UBE2L5: variants seen among roughly 807,000 people sequenced by gnomAD.
UBE2L5 encodes ubiquitin-conjugating enzyme E2 L5.
In UBE2L5, 3 loss-of-function variants were observed where a neutral mutation model predicts 10.0. That is an observed-to-expected ratio of 0.30 (90% CI 0.14 to 0.78). UBE2L5 has a LOEUF of 0.78. UBE2L5 is among the 30% of genes least tolerant of loss of function. The probability of loss-of-function intolerance (pLI) is 0.65; values close to 1 mark genes in which losing one functional copy is unlikely to be tolerated. For missense variants in UBE2L5, 131 were observed against 193.3 expected, an observed-to-expected ratio of 0.68 and a Z score of 1.91; for synonymous variants, 60 against 71.9, an observed-to-expected ratio of 0.83 and a Z score of 0.83.
At position 30,428,435 on chromosome 13, in the gene UBE2L5, G is replaced by A. The variant is rs1885571823; in HGVS notation, c.445G>A (p.Glu149Lys). Residue 149 changes from glutamate to lysine, a missense_variant, in exon 4 of 4, where the codon GAA (glutamate) becomes AAA (lysine). Glu to Lys is a moderately conservative substitution (Grantham distance 56). Transcript: ENST00000635918. ...TGAAGAGTTTACAAAGAAATATGGG[G>A]AAAAGCGACCTGTGGACTAAAATGT... Reference protein sequence around the residue: ...NAEEFTKKYGEKRPVD With the variant: ...NAEEFTKKYGKKRPVD 1 of 1,610,972 alleles carries A rather than the reference G, an allele frequency of 6.2e-7. No homozygotes were observed. The highest frequency in any genetic ancestry group is 1.7e-5 in the Admixed American group (1 of 59,680).
chr13:30,425,560 G>A lies in UBE2L5; in HGVS notation c.-685+659G>A, dbSNP rs1283610604. Among the ~76,000 whole-genome samples, 3 of 152,116 alleles carry A rather than the reference G, an allele frequency of 2.0e-5. No individual in the cohort carries two copies. In the East Asian group the frequency reaches 5.8e-4, roughly 29 times the overall value. On this transcript the variant is annotated intron_variant, in intron 2 of 3. Transcript: ENST00000635918. ...AAAGACAGTCGCTCCTCCCCACCCA[G>A]CGCCATGCATTCTCATGCCATATTA...
rs527242999 is a variant in UBE2L5 at position 30,428,108 on chromosome 13, G to T, written c.118G>T (p.Val40Phe). The change falls in exon 4 of 4, where the codon GTT becomes TTT. Residue 40 changes from valine (V) to phenylalanine (F), a missense_variant. Coordinates refer to ENST00000635918, the MANE Select transcript of UBE2L5 (RefSeq NM_001355247.2). ...ANLLTWQGLI[V>F]PDNPPYNKGA... is the part of the protein sequence containing the mutation. The stretch of plus-strand genomic sequence containing the variant: ...TTTATTGACTTGGCAAGGGCTTATT[G>T]TTCCTGACAACCCTCCGTATAATAA... 3 of 1,610,670 alleles carry T rather than the reference G, an allele frequency of 1.9e-6. No homozygotes were observed. Among genetic ancestry groups the T allele is most frequent in the Admixed American group, 1.7e-5 (1 of 60,002 alleles).
chr13:30,427,819 A>G lies in UBE2L5; in HGVS notation c.-172A>G. 1 of 587,392 alleles carries G rather than the reference A, an allele frequency of 1.7e-6. No homozygotes were observed. Among genetic ancestry groups the G allele is most frequent in the East Asian group, 2.9e-5 (1 of 34,412 alleles). 36.4% of individuals were successfully genotyped at this position (587,392 alleles called of 1,614,324 possible). A position where few individuals can be genotyped will look rare whatever the true frequency, so the allele number is the denominator to read the frequency against. The stretch of plus-strand genomic sequence containing the variant: ...ACTCTGGCTAAAAAAAAAAAAAATT[A>G]TAATGTATAGGATTGTGGATGATCA... On this transcript the variant is annotated 5_prime_UTR_variant, in exon 4 of 4. Transcript: ENST00000635918.
chr13:30,427,994 G>C lies in UBE2L5; in HGVS notation c.4G>C (p.Ala2Pro). The C allele has an allele frequency of 1.3e-6, 2 of 1,557,030 alleles. No homozygotes were observed. The highest frequency in any genetic ancestry group is 1.1e-5 in the South Asian group (1 of 89,860). Residue 2 changes from alanine (A) to proline (P), a missense_variant, in exon 4 of 4, where the codon GCG (alanine) becomes CCG (proline). Coordinates refer to ENST00000635918, the MANE Select transcript of UBE2L5 (RefSeq NM_001355247.2). ...AAGAAGCAGCACCAAATCCAAGATG[G>C]CGGCCAGCAGGAGGCTGATGAAGGA... M[A>P]ASRRLMKELE...
chr13:30,427,955 G>T lies in UBE2L5; in HGVS notation c.-36G>T, dbSNP rs191736531. The T allele has an allele frequency of 1.5e-6, 2 of 1,309,572 alleles. No homozygotes were observed. The highest frequency in any genetic ancestry group is 4.6e-5 in the East Asian group (2 of 43,100). 81.1% of individuals were successfully genotyped at this position (1,309,572 alleles called of 1,614,324 possible). ...AACCATTAAAAGTGGCCGTTACCACGATGCATTCTGGGAAAGAAGCAGCAC... is the reference window on the plus strand; with the variant it reads ...AACCATTAAAAGTGGCCGTTACCACTATGCATTCTGGGAAAGAAGCAGCAC... On this transcript the variant is annotated 5_prime_UTR_variant, in exon 4 of 4. Coordinates refer to ENST00000635918, the MANE Select transcript of UBE2L5 (RefSeq NM_001355247.2).
rs1211971175 is a variant in UBE2L5 at position 30,427,591 on chromosome 13, G to C, written c.-400G>C. On this transcript the variant is annotated 5_prime_UTR_variant, in exon 4 of 4. Transcript: ENST00000635918. ...AACGCGGGCGGATCACTTGAGGTCA[G>C]GAGTTCGAGACTAGCCAGGCCAACA... is the stretch of plus-strand genomic sequence containing the variant. The C allele has an allele frequency of 5.2e-6, 1 of 193,898 alleles. No individual in the cohort carries two copies. The highest frequency in any genetic ancestry group is 2.4e-5 in the African/African-American group (1 of 41,980). 12.0% of individuals were successfully genotyped at this position (193,898 alleles called of 1,614,324 possible). A position where few individuals can be genotyped will look rare whatever the true frequency, so the allele number is the denominator to read the frequency against.
At chr13:30,426,417 C>T (rs1885540612) in intron 2 of UBE2L5, among the ~76,000 whole-genome samples, 1 of 152,188 alleles carries the variant, frequency 6.6e-6, no homozygotes, top group Admixed American at 6.5e-5. Context: ...CAGACAGTGG[C>T]CCAGAAGCTG....
At position 30,429,355 on chromosome 13, in the gene UBE2L5, A is replaced by G. The variant is rs2137360780; in HGVS notation, c.*900A>G. ...ATAATTGGGGTGTCTTTAGGCTGAA[A>G]TGGAGACAACAGAAGGTGAGGTGGC... On this transcript the variant is annotated 3_prime_UTR_variant, in exon 4 of 4. Coordinates refer to ENST00000635918, the MANE Select transcript of UBE2L5 (RefSeq NM_001355247.2). 6.6e-6 allele frequency among the ~76,000 whole-genome samples: 1 copy of G among 152,230 alleles called. No individual in the cohort carries two copies. The highest frequency in any genetic ancestry group is 3.4e-3 in the Middle Eastern group (1 of 294).
rs1885571116 is a variant in UBE2L5, at chr13:30,428,384, G to A, written c.394G>A (p.Asp132Asn). 6.2e-7 allele frequency: 1 copy of A among 1,611,488 alleles called. No individual in the cohort carries two copies. The highest frequency in any genetic ancestry group is 1.3e-5 in the African/African-American group (1 of 74,838). Residue 132 changes from aspartate (D) to asparagine (N), a missense_variant, in exon 4 of 4, where the codon GAC becomes AAC. Transcript: ENST00000635918. ...RADLAEEYSN[D>N]RKKFCKNAEE... ...TGACCTAGCTGAAGAATACTCTAAC[G>A]ACCGTAAAAAATTCTGTAAGAATGC...
At position 30,428,652 on chromosome 13, in the gene UBE2L5, A is replaced by C; in HGVS notation, c.*197A>C. The C allele has an allele frequency of 5.4e-6, 3 of 554,296 alleles. No individual in the cohort carries two copies. Among genetic ancestry groups the C allele is most frequent in the African/African-American group, 2.0e-5 (1 of 49,678 alleles). 34.3% of individuals were successfully genotyped at this position (554,296 alleles called of 1,614,324 possible). ...GTAAAGAAAGGATTAAAAATTTAAG[A>C]TGTTCTTAAAAAAAAAAAAAGTGGC... On this transcript the variant is annotated 3_prime_UTR_variant, in exon 4 of 4. Transcript: ENST00000635918.
Position 30,427,951 on chromosome 13 carries a change from C to G in UBE2L5, c.-40C>G. 7.8e-7 allele frequency: 1 copy of G among 1,286,198 alleles called. No homozygotes were observed. The highest frequency in any genetic ancestry group is 1.1e-6 in the Non-Finnish European group (1 of 885,544). The allele number at this position is 1,286,198 out of a possible 1,614,324, so 79.7% of individuals were successfully genotyped here. Reference sequence around the variant, plus strand: ...ACACAACCATTAAAAGTGGCCGTTACCACGATGCATTCTGGGAAAGAAGCA... The same window carrying G: ...ACACAACCATTAAAAGTGGCCGTTAGCACGATGCATTCTGGGAAAGAAGCA... On this transcript the variant is annotated 5_prime_UTR_variant, in exon 4 of 4. Transcript: ENST00000635918.
At position 30,429,282 on chromosome 13, in the gene UBE2L5, T is replaced by TC. The variant is rs202212365; in HGVS notation, c.*836dup. 0.029 allele frequency among the ~76,000 whole-genome samples: 4,321 copies of TC among 147,546 alleles called. 117 individuals are homozygous for TC. Among genetic ancestry groups the TC allele is most frequent in the African/African-American group, 0.078 (3,088 of 39,534 alleles). ...CCTGGGCAACAAGAGCAAAACTCTG[T>TC]CCCCCCCCCACAAAAAAAAATTGAT... is the stretch of plus-strand genomic sequence containing the variant. On this transcript the variant is annotated 3_prime_UTR_variant, in exon 4 of 4. Coordinates refer to ENST00000635918, the MANE Select transcript of UBE2L5 (RefSeq NM_001355247.2).
intron 3 of UBE2L5, chr13:30,427,125 C>T (rs1885548605): frequency 6.6e-6 from 1 of 152,148 alleles, no homozygotes; most frequent in Admixed American, 6.5e-5. Flanking sequence ...ATTAAAATGA[C>T]AGGTTTCAAT....
intron 1 of UBE2L5, among the ~76,000 whole-genome samples, chr13:30,423,911 A>C (rs1885502348): frequency 6.6e-6 from 1 of 152,232 alleles, no homozygotes; most frequent in Admixed American, 6.5e-5. Context: ...CAGTTACTTT[A>C]TGTAGCTTAA....
chr13:30,426,248 T>C (rs1008504285), intron 2 of UBE2L5, among the ~76,000 whole-genome samples: 1 of 151,836 alleles, frequency 6.6e-6, no homozygotes, highest in Non-Finnish European at 1.5e-5. Context: ...GAGGCGGAGG[T>C]TGCAGTGAGC....
In UBE2L5 at chr13:30,429,639, A is replaced by C. The variant is rs1038820059; in HGVS notation, c.*1184A>C. Reference sequence around the variant, plus strand: ...AAGATTTGTCCTGTAGAACATATACATAGAGGATTGTTCACTCTCCTCCTT... The same window carrying C: ...AAGATTTGTCCTGTAGAACATATACCTAGAGGATTGTTCACTCTCCTCCTT... On this transcript the variant is annotated 3_prime_UTR_variant, in exon 4 of 4. Coordinates refer to ENST00000635918, the MANE Select transcript of UBE2L5 (RefSeq NM_001355247.2). 2.6e-5 allele frequency among the ~76,000 whole-genome samples: 4 copies of C among 152,260 alleles called. No homozygotes were observed. The highest frequency in any genetic ancestry group is 9.6e-5 in the African/African-American group (4 of 41,474).
intron 3 of UBE2L5, chr13:30,427,128 G>A (rs1885548647): frequency 6.6e-6 from 1 of 152,048 alleles, no homozygotes; most frequent in Non-Finnish European, 1.5e-5. Flanking sequence ...AAAATGACAG[G>A]TTTCAATATA....
In UBE2L5 at chr13:30,427,924, A is replaced by C. The variant is rs936714898; in HGVS notation, c.-67A>C. On this transcript the variant is annotated 5_prime_UTR_variant, in exon 4 of 4. Transcript: ENST00000635918. The stretch of plus-strand genomic sequence containing the variant: ...ATCAGAACGTTATTTGAGTGTATAC[A>C]TACACAACCATTAAAAGTGGCCGTT... 6 of 1,004,558 alleles carry C rather than the reference A, an allele frequency of 6.0e-6. No homozygotes were observed. Among genetic ancestry groups the C allele is most frequent in the African/African-American group, 4.8e-5 (3 of 62,594 alleles). 62.2% of individuals were successfully genotyped at this position (1,004,558 alleles called of 1,614,324 possible).
At position 30,427,709 on chromosome 13, in the gene UBE2L5, C is replaced by T. The variant is rs537997246; in HGVS notation, c.-282C>T. ...ATCACAGCCACTTGGGAGGCCGAGGCGAGAGGATGGCTTGAACCCGGGAGG... is the reference window on the plus strand; with the variant it reads ...ATCACAGCCACTTGGGAGGCCGAGGTGAGAGGATGGCTTGAACCCGGGAGG... On this transcript the variant is annotated 5_prime_UTR_variant, in exon 4 of 4. Coordinates refer to ENST00000635918, the MANE Select transcript of UBE2L5 (RefSeq NM_001355247.2). 4.8e-6 allele frequency: 2 copies of T among 418,586 alleles called. No individual in the cohort carries two copies. The highest frequency in any genetic ancestry group is 4.4e-5 in the East Asian group (1 of 22,818). The allele number at this position is 418,586 out of a possible 1,614,324, so 25.9% of individuals were successfully genotyped here.
Sources: allele counts gnomAD v4.1 joint callset (sites outside exome capture counted in the v4.1 genomes callset), GRCh38; gene constraint gnomAD v4.1.1; transcripts MANE v1.5; gene names NCBI Gene and HGNC (gene_info 2026-07-23, HGNC 2026-07-21).